The following SCN2B variants were observed in gnomAD, a reference collection of about 807,000 sequenced individuals.
SCN2B encodes the protein sodium channel regulatory subunit beta-2.
Under a neutral mutation model 18.2 loss-of-function variants are expected in SCN2B, and 14 were observed. The observed-to-expected ratio is 0.77, with a 90% CI of 0.51 to 1.21. The LOEUF is 1.21. Ranked by LOEUF, SCN2B falls within the 50% of genes most tolerant of loss-of-function variation. SCN2B has a pLI of 0.00. For missense variants in SCN2B, 262 were observed against 286.9 expected (o/e 0.91, Z 0.63); for synonymous variants, 115 against 115.3 (o/e 1.00, Z 0.02).
In SCN2B at chr11:118,162,874, G is replaced by A. The variant is rs1412348277; in HGVS notation, c.*4013C>T. 6.6e-6 allele frequency: 1 copy of A among 152,322 alleles called. No homozygotes were observed. Among genetic ancestry groups the A allele is most frequent in the African/African-American group, 2.4e-5 (1 of 41,422 alleles). The allele number at this position is 152,322 out of a possible 1,614,324, so 9.4% of individuals were successfully genotyped here. On this transcript the variant is annotated 3_prime_UTR_variant, in exon 4 of 4. Coordinates refer to ENST00000278947, the MANE Select transcript of SCN2B (RefSeq NM_004588.5). Reference sequence around the variant, plus strand: ...TAAGACAAATTGCAAAAGAAACTCAGTCTGCTCCCAAAAGCAGATACATCC... The same window carrying A: ...TAAGACAAATTGCAAAAGAAACTCAATCTGCTCCCAAAAGCAGATACATCC...
rs1565462681 is a variant in SCN2B at position 118,166,813 on chromosome 11, G to A, written c.*74C>T. 1.0e-5 allele frequency: 16 copies of A among 1,583,104 alleles called. No homozygotes were observed. Among genetic ancestry groups the A allele is most frequent in the South Asian group, 3.3e-5 (3 of 90,430 alleles). On this transcript the variant is annotated 3_prime_UTR_variant, in exon 4 of 4. Coordinates refer to ENST00000278947, the MANE Select transcript of SCN2B (RefSeq NM_004588.5). The stretch of plus-strand genomic sequence containing the variant: ...AGGTCACGGGAAGCACACCAAGAGC[G>A]AGCAGGCAGGGTCACTGTACAGGGC...
At chr11:118,170,781 A>G (rs926565031) in intron 1 of SCN2B, among the ~76,000 whole-genome samples, 1 of 152,194 alleles carries the variant, frequency 6.6e-6, no homozygotes, top group East Asian at 1.9e-4. Flanking sequence ...AGAAGCAGTA[A>G]GTATTCAGCA....
chr11:118,168,493 A>G lies in SCN2B; in HGVS notation c.237+92T>C. 6.5e-7 allele frequency: 1 copy of G among 1,535,848 alleles called. No homozygotes were observed. Among genetic ancestry groups the G allele is most frequent in the South Asian group, 1.1e-5 (1 of 88,858 alleles). On this transcript the variant is annotated intron_variant, in intron 2 of 3. Transcript: ENST00000278947. The surrounding 1 kb of genome is among the most constrained non-coding windows in gnomAD (Gnocchi z 4.7). ...CCCACCCAGGGTCCTCTGGGGCCCT[A>G]GCGCAGTGCCGGGGCCGGTGGTGGG...
chr11:118,172,319 G>A (rs1402174561), intron 1 of SCN2B, among the ~76,000 whole-genome samples: 1 of 152,170 alleles, frequency 6.6e-6, no homozygotes, highest in Non-Finnish European at 1.5e-5. Context: ...CCCACATTCC[G>A]GATGAGGAAG....
intron 1 of SCN2B, among the ~76,000 whole-genome samples, chr11:118,174,110 T>TG (rs1948451453): frequency 7.8e-6 from 1 of 127,480 alleles, no homozygotes; most frequent in African/African-American, 3.5e-5. Context: ...TTTTTTTTTT[T>TG]TTTTTTTTTT....
Position 118,163,844 on chromosome 11 carries a change from G to A in SCN2B, c.*3043C>T, listed in dbSNP as rs1409260366. 3 of 152,222 alleles carry A rather than the reference G, an allele frequency of 2.0e-5. No individual in the cohort carries two copies. Among genetic ancestry groups the A allele is most frequent in the Admixed American group, 6.5e-5 (1 of 15,284 alleles). 9.4% of individuals were successfully genotyped at this position (152,222 alleles called of 1,614,324 possible). On this transcript the variant is annotated 3_prime_UTR_variant, in exon 4 of 4. Coordinates refer to ENST00000278947, the MANE Select transcript of SCN2B (RefSeq NM_004588.5). Reference sequence around the variant, plus strand: ...GAAACAGGGTAGGGAAATGGCTGCTGTGGAAACATCTCTCTGGTTTTCCAC... The same window carrying A: ...GAAACAGGGTAGGGAAATGGCTGCTATGGAAACATCTCTCTGGTTTTCCAC...
chr11:118,174,091 C>CTTTTTTTTTTCTTTTTT (rs1948449565), intron 1 of SCN2B, among the ~76,000 whole-genome samples: 1 of 66,626 alleles, frequency 1.5e-5, no homozygotes, highest in African/African-American at 6.4e-5. Flanking sequence ...TTTTTCTTTT[C>CTTTTTTTTTTCTTTTTT]TTTTTTTTTT....
chr11:118,176,312 T>C (rs1310893666), intron 1 of SCN2B, 50 bp downstream of exon 1: 1 of 1,501,444 alleles, frequency 6.7e-7, no homozygotes, highest in African/African-American at 1.4e-5. Flanking sequence ...CTCTTCACAT[T>C]GCGGCTACAC....
rs572574393 is a variant in SCN2B, at chr11:118,167,808, C to T, written c.448+277G>A. The stretch of plus-strand genomic sequence containing the variant: ...CTGAGCTCAAGCTATCTGCCTGCCT[C>T]AGCCTCCCAAAGCGCTGTGATTACA... On this transcript the variant is annotated intron_variant, in intron 3 of 3. Coordinates refer to ENST00000278947, the MANE Select transcript of SCN2B (RefSeq NM_004588.5). Among the ~76,000 whole-genome samples the T allele has an allele frequency of 2.0e-5, 3 of 152,320 alleles. No homozygotes were observed. In the East Asian group the frequency reaches 5.8e-4, roughly 29 times the overall value.
chr11:118,172,900 T>G (rs1316636597), intron 1 of SCN2B, among the ~76,000 whole-genome samples: 2 of 152,010 alleles, frequency 1.3e-5, no homozygotes, highest in South Asian at 2.1e-4. Flanking sequence ...TGGTTTTTTT[T>G]TTTTTTTTTA....
chr11:118,176,373 A>C lies in SCN2B; in HGVS notation c.59T>G (p.Phe20Cys). ...PAFSLTGLSL[F>C]FSLVPPGRSM... ...TGTGTCTAACTTACCCAAAGAGAAA[A>C]AGAGACTGAGCCCCGTGAGGCTGAA... Residue 20 changes from phenylalanine (F) to cysteine (C), a missense_variant, in exon 1 of 4, where the codon TTT (phenylalanine) becomes TGT (cysteine). By Grantham distance (205) the Phe-to-Cys change is radical. Coordinates refer to ENST00000278947, the MANE Select transcript of SCN2B (RefSeq NM_004588.5). 4 of 1,613,878 alleles carry C rather than the reference A, an allele frequency of 2.5e-6. No individual in the cohort carries two copies. Among genetic ancestry groups the C allele is most frequent in the Non-Finnish European group, 3.4e-6 (4 of 1,179,842 alleles).
At chr11:118,174,099 T>TTTTTTTTTTTG (rs1565464837) in intron 1 of SCN2B, among the ~76,000 whole-genome samples, 3 of 123,630 alleles carry the variant, frequency 2.4e-5, no homozygotes, top group African/African-American at 9.7e-5. Context: ...TTCTTTTTTT[T>TTTTTTTTTTTG]TTTTTTTTTT....
At position 118,168,136 on chromosome 11, in the gene SCN2B, G is replaced by T. The variant is rs1485623610; in HGVS notation, c.397C>A (p.Pro133Thr). ...TTGCCATGGCCACGGTGGCGGTCAG[G>T]GGGGTTCATGATGTAGCAGTTGTAA... ...GIYNCYIMNPPDRHRGHGKIH... is the reference protein window; with the variant it reads ...GIYNCYIMNPTDRHRGHGKIH... Residue 133 changes from proline to threonine, a missense_variant, in exon 3 of 4, where the codon CCT (proline) becomes ACT (threonine). By Grantham distance (38) the Pro-to-Thr change is conservative. Transcript: ENST00000278947. This position sits in a 1 kb window ranked among gnomAD's most constrained non-coding sequence, Gnocchi z 4.7. 1 of 1,614,170 alleles carries T rather than the reference G, an allele frequency of 6.2e-7. No homozygotes were observed.
At position 118,167,028 on chromosome 11, in the gene SCN2B, G is replaced by A. The variant is rs1291362198; in HGVS notation, c.507C>T (p.Phe169=). The A allele has an allele frequency of 6.2e-7, 1 of 1,613,812 alleles. No individual in the cohort carries two copies. The highest frequency in any genetic ancestry group is 1.3e-5 in the African/African-American group (1 of 75,036). The change falls in exon 4 of 4, where the codon TTC becomes TTT. Residue 169 remains phenylalanine (F), a synonymous_variant. Transcript: ENST00000278947. ...TCAGCACCAAGATGACCACAGCCAG[G>A]AAGCCCCCGACGGAGGCACCCACAA... ...AVIVGASVGG[F]LAVVILVLMV...
intron 1 of SCN2B, among the ~76,000 whole-genome samples, chr11:118,176,024 C>G (rs930967629): frequency 3.3e-5 from 5 of 152,184 alleles, no homozygotes; most frequent in Non-Finnish European, 7.3e-5. Context: ...TTTGCAGCAA[C>G]TCCAAAAAAT....
chr11:118,164,808 C>CAATA lies in SCN2B; in HGVS notation c.*2075_*2078dup, dbSNP rs951611229. Reference sequence around the variant, plus strand: ...CAGTGCCTGGCACATAATAGATGCTCAATAAATGGTTGCTGAATTGAAGCA... The same window carrying CAATA: ...CAGTGCCTGGCACATAATAGATGCTCAATAAATAAATGGTTGCTGAATTGAAGCA... On this transcript the variant is annotated 3_prime_UTR_variant, in exon 4 of 4. Coordinates refer to ENST00000278947, the MANE Select transcript of SCN2B (RefSeq NM_004588.5). 6.6e-6 allele frequency: 1 copy of CAATA among 152,630 alleles called. No individual in the cohort carries two copies. Among genetic ancestry groups the CAATA allele is most frequent in the Non-Finnish European group, 1.5e-5 (1 of 68,054 alleles). 9.5% of individuals were successfully genotyped at this position (152,630 alleles called of 1,614,324 possible). A position where few individuals can be genotyped will look rare whatever the true frequency, so the allele number is the denominator to read the frequency against.
chr11:118,168,818 T>C lies in SCN2B; in HGVS notation c.71-67A>G. 1 of 1,563,882 alleles carries C rather than the reference T, an allele frequency of 6.4e-7. No homozygotes were observed. Among genetic ancestry groups the C allele is most frequent in the South Asian group, 1.1e-5 (1 of 89,870 alleles). The stretch of plus-strand genomic sequence containing the variant: ...GGGCTGGGGAGGGGCAAGCCCTCTG[T>C]GCCTGGGAGTGTTGGGGGATGAGGC... On this transcript the variant is annotated intron_variant, in intron 1 of 3. Transcript: ENST00000278947. The surrounding 1 kb of genome is among the most constrained non-coding windows in gnomAD (Gnocchi z 4.7).
Position 118,168,105 on chromosome 11 carries a change from T to G in SCN2B, c.428A>C (p.His143Pro). ...PDRHRGHGKI[H>P]LQVLMEEPPE... The stretch of plus-strand genomic sequence containing the variant: ...TTCACCTTCCATGAGGACCTGCAGA[T>G]GGATCTTGCCATGGCCACGGTGGCG... The change falls in exon 3 of 4, where the codon CAT (histidine) becomes CCT (proline). Residue 143 changes from histidine to proline, a missense_variant. Coordinates refer to ENST00000278947, the MANE Select transcript of SCN2B (RefSeq NM_004588.5). This position sits in a 1 kb window ranked among gnomAD's most constrained non-coding sequence, Gnocchi z 4.7. The G allele has an allele frequency of 6.2e-7, 1 of 1,614,030 alleles. No homozygotes were observed. Among genetic ancestry groups the G allele is most frequent in the East Asian group, 2.2e-5 (1 of 44,868 alleles).
Position 118,168,522 on chromosome 11 carries a change from A to G in SCN2B, c.237+63T>C. On this transcript the variant is annotated intron_variant, in intron 2 of 3. Transcript: ENST00000278947. This position sits in a 1 kb window ranked among gnomAD's most constrained non-coding sequence, Gnocchi z 4.7. ...CAGTGCCGGGGCCGGTGGTGGGACC[A>G]GGGGCTTCATGCCATGGGGCTCCTA... 1.9e-6 allele frequency: 3 copies of G among 1,605,046 alleles called. No individual in the cohort carries two copies. The highest frequency in any genetic ancestry group is 2.6e-6 in the Non-Finnish European group (3 of 1,172,312).
Sources: allele counts gnomAD v4.1 joint callset (sites outside exome capture counted in the v4.1 genomes callset), GRCh38; gene constraint gnomAD v4.1.1; non-coding constraint Gnocchi (gnomAD v3.1); transcripts MANE v1.5; gene names NCBI Gene and HGNC (gene_info 2026-07-23, HGNC 2026-07-21).